Variants in DOCK3 observed in about 807,000 individuals in gnomAD.
The protein encoded by DOCK3 is dedicator of cytokinesis protein 3.
A neutral mutation model predicts 265.6 loss-of-function variants in DOCK3; 60 were observed. That is an observed-to-expected ratio of 0.23 (90% CI 0.18 to 0.28). The LOEUF is 0.28. DOCK3 is among the 10% of genes least tolerant of loss of function. DOCK3 has a pLI of 1.00. For missense variants in DOCK3, 1,981 were observed against 2,594.3 expected, an observed-to-expected ratio of 0.76 and a Z score of 5.14; for synonymous variants, 881 against 938.0, an observed-to-expected ratio of 0.94 and a Z score of 1.11.
intron 5 of DOCK3, among the ~76,000 whole-genome samples, chr3:50,986,656 C>T (rs1440559512): frequency 2.6e-5 from 4 of 151,956 alleles, no homozygotes; most frequent in Non-Finnish European, 5.9e-5. Context: ...AACATTATAC[C>T]GAATCTTTTA....
chr3:51,322,090 T>C (rs916934619), intron 32 of DOCK3, among the ~76,000 whole-genome samples: 1 of 152,198 alleles, frequency 6.6e-6, no homozygotes, highest in Non-Finnish European at 1.5e-5. Flanking sequence ...AAAGGTCAGG[T>C]TACCCACAAG....
At chr3:50,784,175 G>A (rs1272434808) in intron 2 of DOCK3, among the ~76,000 whole-genome samples, 2 of 152,124 alleles carry the variant, frequency 1.3e-5, no homozygotes, top group Non-Finnish European at 1.5e-5. Flanking sequence ...TCCTTGAGTT[G>A]ATTTTTGTAT....
At chr3:51,111,549 C>T (rs943702504) in intron 9 of DOCK3, among the ~76,000 whole-genome samples, 1 of 152,114 alleles carries the variant, frequency 6.6e-6, no homozygotes, top group Non-Finnish European at 1.5e-5. Context: ...TGAAACTGAA[C>T]CCCTTCCTTA....
At chr3:50,757,928 C>A (rs2040268912) in intron 1 of DOCK3, among the ~76,000 whole-genome samples, 1 of 151,990 alleles carries the variant, frequency 6.6e-6, no homozygotes, top group Non-Finnish European at 1.5e-5. Flanking sequence ...GTAATCCCAG[C>A]ACTTTGGGAG....
chr3:51,338,326 A>G, intron 35 of DOCK3, 33 bp from the exon 36 acceptor site: 1 of 1,551,282 alleles, frequency 6.4e-7, no homozygotes, highest in Non-Finnish European at 8.7e-7. Flanking sequence ...GCCCCACTTC[A>G]TATCTGGTGC....
chr3:51,332,992 A>G lies in DOCK3; in HGVS notation c.3489-9A>G. On this transcript the variant is annotated splice_polypyrimidine_tract_variant and intron_variant, in intron 33 of 52. Coordinates refer to ENST00000266037, the MANE Select transcript of DOCK3 (RefSeq NM_004947.5). ...CCTCCTTATCTTTGCTTTCTGCTGC[A>G]TGGAGTAGAACCCAGCTGTTTGGGC... 6.2e-7 allele frequency: 1 copy of G among 1,613,950 alleles called. No individual in the cohort carries two copies. Among genetic ancestry groups the G allele is most frequent in the Non-Finnish European group, 8.5e-7 (1 of 1,179,878 alleles).
intron 1 of DOCK3, among the ~76,000 whole-genome samples, chr3:50,727,765 C>T (rs2037924137): frequency 6.6e-6 from 1 of 152,082 alleles, no homozygotes; most frequent in Non-Finnish European, 1.5e-5. Context: ...CCTAAATGAG[C>T]ATGCACAGTT....
chr3:50,999,836 T>A (rs2078411700), intron 5 of DOCK3, among the ~76,000 whole-genome samples: 1 of 152,208 alleles, frequency 6.6e-6, no homozygotes, highest in South Asian at 2.1e-4. Flanking sequence ...TTGTAGATGG[T>A]CACTGAAGTG....
chr3:50,917,044 G>C (rs1244279848), intron 4 of DOCK3, among the ~76,000 whole-genome samples: 1 of 151,960 alleles, frequency 6.6e-6, no homozygotes, highest in Non-Finnish European at 1.5e-5. Context: ...CCAATTACTT[G>C]TCATAGTAAT....
intron 2 of DOCK3, among the ~76,000 whole-genome samples, chr3:50,796,661 A>T (rs991427484): frequency 6.6e-6 from 1 of 152,210 alleles, no homozygotes; most frequent in African/African-American, 2.4e-5. Flanking sequence ...ATATGAAAGA[A>T]GGCACTCTGA....
chr3:51,181,090 T>A (rs960803718), intron 12 of DOCK3, among the ~76,000 whole-genome samples: 1 of 152,238 alleles, frequency 6.6e-6, no homozygotes, highest in Non-Finnish European at 1.5e-5. Context: ...TTTATTTTAA[T>A]TGACTATTAA....
chr3:50,787,789 T>C (rs1041696562), intron 2 of DOCK3: 3 of 1,117,352 alleles, frequency 2.7e-6, no homozygotes, highest in Admixed American at 1.7e-5. Context: ...TCCATAGTCA[T>C]TGCTGTTATC....
At chr3:51,150,850 G>A (rs1413543324) in intron 10 of DOCK3, among the ~76,000 whole-genome samples, 1 of 152,258 alleles carries the variant, frequency 6.6e-6, no homozygotes, top group Non-Finnish European at 1.5e-5. Context: ...ATGTCTATTT[G>A]GTCCACTTGG....
At chr3:50,767,685 A>T (rs1273196681) in intron 1 of DOCK3, among the ~76,000 whole-genome samples, 1 of 152,166 alleles carries the variant, frequency 6.6e-6, no homozygotes, top group Non-Finnish European at 1.5e-5. Flanking sequence ...TGGGGATGGC[A>T]TTGAATCTAT....
chr3:50,984,246 A>G (rs758517647), intron 5 of DOCK3, among the ~76,000 whole-genome samples: 4 of 152,234 alleles, frequency 2.6e-5, no homozygotes, highest in Admixed American at 2.0e-4. Context: ...TTCCAGTCAG[A>G]AAAGCAACAC....
chr3:51,160,872 C>T (rs1367037928), intron 12 of DOCK3, among the ~76,000 whole-genome samples, 170 bp downstream of exon 12: 1 of 151,808 alleles, frequency 6.6e-6, no homozygotes, highest in Non-Finnish European at 1.5e-5. Context: ...GTCAGGAAAT[C>T]GAGACCATTC....
At chr3:50,767,162 C>A (rs1168835083) in intron 1 of DOCK3, among the ~76,000 whole-genome samples, 1 of 152,138 alleles carries the variant, frequency 6.6e-6, no homozygotes. Context: ...GTGGCCATTG[C>A]TTTTGGTGTT....
intron 9 of DOCK3, among the ~76,000 whole-genome samples, chr3:51,145,552 C>T (rs1042514459): frequency 3.9e-5 from 6 of 152,118 alleles, no homozygotes; most frequent in Non-Finnish European, 1.5e-5. Flanking sequence ...GAATGCAGCC[C>T]AACACAAATT....
chr3:51,323,474 A>G (rs898398463), intron 32 of DOCK3, among the ~76,000 whole-genome samples: 11 of 152,230 alleles, frequency 7.2e-5, no homozygotes, highest in Admixed American at 5.2e-4. Context: ...CTCCTTGGCA[A>G]ATGCAAGAGA....
Sources: gnomAD v4.1 joint callset for allele counts (sites outside exome capture counted in the v4.1 genomes callset) on GRCh38, gnomAD v4.1.1 for gene constraint, MANE v1.5 for transcripts, NCBI Gene and HGNC (gene_info 2026-07-23, HGNC 2026-07-21) for gene names.